Variants in AGFG2 observed in about 807,000 individuals in gnomAD.
AGFG2 encodes the protein arf-GAP domain and FG repeat-containing protein 2.
In AGFG2, 31 loss-of-function variants were observed where a neutral mutation model predicts 48.0. The ratio of observed to expected loss-of-function variants is 0.65; its 90% CI spans 0.49 to 0.87. The LOEUF (loss-of-function observed/expected upper bound fraction) is 0.87, where lower values mean the gene tolerates loss of function less well. AGFG2 is among the 40% of genes least tolerant of loss of function. The pLI, the probability that AGFG2 is intolerant of heterozygous loss-of-function variation, is 0.00. For synonymous variants in AGFG2, 229 were observed against 260.8 expected, an observed-to-expected ratio of 0.88 and a Z score of 1.18; for missense variants, 599 against 632.6, an observed-to-expected ratio of 0.95 and a Z score of 0.57.
At chr7:100,564,430 C>A in intron 11 of AGFG2, 127 bp downstream of exon 11, 1 of 995,798 alleles carries the variant, frequency 1.0e-6, no homozygotes, top group Non-Finnish European at 1.5e-6. Flanking sequence ...GTTGTCCAAG[C>A]CAGGGCTGAG....
At chr7:100,553,745 A>G (rs1800697354) in intron 4 of AGFG2, among the ~76,000 whole-genome samples, 1 of 152,254 alleles carries the variant, frequency 6.6e-6, no homozygotes, top group African/African-American at 2.4e-5. Flanking sequence ...TGAGCATTCC[A>G]TCAAAGAAAC....
At chr7:100,553,644 T>C in intron 4 of AGFG2, 144 bp downstream of exon 4, 1 of 1,008,142 alleles carries the variant, frequency 9.9e-7, no homozygotes. Context: ...ACCTGTATCT[T>C]GTATTTGTCA....
chr7:100,558,225 AAAAC>A (rs1458973909), intron 6 of AGFG2, among the ~76,000 whole-genome samples: 1 of 152,200 alleles, frequency 6.6e-6, no homozygotes, highest in Non-Finnish European at 1.5e-5. Flanking sequence ...GAAAAACAAA[AAAAC>A]AAAAGAAAAT....
At chr7:100,557,407 A>G (rs1484687890) in intron 6 of AGFG2, among the ~76,000 whole-genome samples, 1 of 152,208 alleles carries the variant, frequency 6.6e-6, no homozygotes, top group Non-Finnish European at 1.5e-5. Context: ...AAATCTCCAT[A>G]AATTCTAACA....
At chr7:100,564,080 G>A (rs1231986060) in intron 10 of AGFG2, 118 bp downstream of exon 10, 12 of 1,548,698 alleles carry the variant, frequency 7.7e-6, no homozygotes, top group East Asian at 6.8e-5. Flanking sequence ...CAGCAGGGGG[G>A]ACCAGGGAAG....
chr7:100,548,933 G>A lies in AGFG2; in HGVS notation c.315+18G>A, dbSNP rs570955124. On this transcript the variant is annotated intron_variant, in intron 2 of 11. Coordinates refer to ENST00000300176, the MANE Select transcript of AGFG2 (RefSeq NM_006076.5). ...GAAATGAGGTGAGCTGCCACCGATG[G>A]AGTGGTGAGAAGGTCACCTATCTGC... 6.2e-7 allele frequency: 1 copy of A among 1,602,450 alleles called. No homozygotes were observed. Among genetic ancestry groups the A allele is most frequent in the African/African-American group, 1.3e-5 (1 of 74,172 alleles).
intron 5 of AGFG2, among the ~76,000 whole-genome samples, chr7:100,554,642 T>A (rs1301300146): frequency 1.3e-5 from 2 of 152,158 alleles, no homozygotes; most frequent in Middle Eastern, 3.4e-3. Flanking sequence ...TTTCCCTTTT[T>A]AAAAATTTTC....
At position 100,550,462 on chromosome 7, in the gene AGFG2, C is replaced by G. The variant is rs781652659; in HGVS notation, c.382C>G (p.Pro128Ala). ...ATCTTTAGTACCAGATTCCAGGGAT[C>G]CTCAGAAAGTGAAGGAGTTTCTCCA... Reference protein sequence around the residue: ...RTSLVPDSRDPQKVKEFLQEK... With the variant: ...RTSLVPDSRDAQKVKEFLQEK... Residue 128 changes from proline to alanine, a missense_variant, in exon 3 of 12, where the codon CCT (proline) becomes GCT (alanine). By Grantham distance (27) the Pro-to-Ala change is conservative (BLOSUM62 -1). Transcript: ENST00000300176. 37 of 1,613,916 alleles carry G rather than the reference C, an allele frequency of 2.3e-5. No homozygotes were observed. The highest frequency in any genetic ancestry group is 2.9e-5 in the Non-Finnish European group (34 of 1,180,004).
Position 100,552,415 on chromosome 7 carries a change from C to T in AGFG2, c.432-932C>T, listed in dbSNP as rs73154898. On this transcript the variant is annotated intron_variant, in intron 3 of 11. Coordinates refer to ENST00000300176, the MANE Select transcript of AGFG2 (RefSeq NM_006076.5). ...TATTATATAAGAGACTTGAGTGTCC[C>T]GTCCTCTGATTATGGAATTGTCAGG... Among the ~76,000 whole-genome samples the T allele has an allele frequency of 6.5e-3, 990 of 152,242 alleles. 3 individuals are homozygous for T. The highest frequency in any genetic ancestry group is 9.7e-3 in the Non-Finnish European group (660 of 68,014).
rs1394768111 is a variant in AGFG2, at chr7:100,562,889, G to A, written c.1114G>A (p.Ala372Thr). Residue 372 changes from alanine (A) to threonine (T), a missense_variant, in exon 9 of 12, where the codon GCC becomes ACC. Coordinates refer to ENST00000300176, the MANE Select transcript of AGFG2 (RefSeq NM_006076.5). This position sits in a 1 kb window ranked among gnomAD's most constrained non-coding sequence, Gnocchi z 5.4. The part of the protein sequence containing the change: ...GAFTNPFTAP[A>T]AQSPLPSTNP... The stretch of plus-strand genomic sequence containing the variant: ...CTTCACTAACCCTTTCACAGCTCCC[G>A]CCGCCCAGTCCCCGCTGCCTTCCAC... 7.4e-6 allele frequency: 12 copies of A among 1,613,948 alleles called. No individual in the cohort carries two copies. The highest frequency in any genetic ancestry group is 1.1e-5 in the South Asian group (1 of 91,060).
At chr7:100,559,225 A>G (rs775544365) in intron 6 of AGFG2, among the ~76,000 whole-genome samples, 1 of 152,128 alleles carries the variant, frequency 6.6e-6, no homozygotes, top group Non-Finnish European at 1.5e-5. Context: ...CATTATGTCC[A>G]TGAGGAAGGA....
chr7:100,557,272 C>T (rs1800779358), intron 6 of AGFG2, among the ~76,000 whole-genome samples: 1 of 151,894 alleles, frequency 6.6e-6, no homozygotes, highest in Non-Finnish European at 1.5e-5. Flanking sequence ...GACCGCATAC[C>T]CATGAGATTC....
Position 100,560,808 on chromosome 7 carries a change from C to CTT in AGFG2, c.878-1431_878-1430dup, listed in dbSNP as rs66837050. 8.4e-3 allele frequency among the ~76,000 whole-genome samples: 951 copies of CTT among 112,794 alleles called. 39 individuals carry two copies. The highest frequency in any genetic ancestry group is 0.022 in the African/African-American group (612 of 27,530). The allele number at this position is 112,794 out of a possible 152,430, so 74.0% of individuals were successfully genotyped here. ...AGTGCCTGGCATGTGGAAGATCTCC[C>CTT]TTTTTTTTTTTTTTTTTTTTTGAGA... On this transcript the variant is annotated intron_variant, in intron 6 of 11. Coordinates refer to ENST00000300176, the MANE Select transcript of AGFG2 (RefSeq NM_006076.5).
chr7:100,551,056 ATATATATATATT>A (rs1800627123), intron 3 of AGFG2, among the ~76,000 whole-genome samples: 1 of 79,774 alleles, frequency 1.3e-5, no homozygotes, highest in East Asian at 2.6e-4. Flanking sequence ...ATATATATAT[ATATATATATATT>A]TCTTTTTTTT....
chr7:100,556,421 C>A, intron 6 of AGFG2: 1 of 338,690 alleles, frequency 3.0e-6, no homozygotes, highest in South Asian at 2.6e-5. Flanking sequence ...AAGCTCTACA[C>A]ATTGAGTCTT....
chr7:100,543,477 G>A (rs1439686018), intron 1 of AGFG2, among the ~76,000 whole-genome samples: 3 of 152,160 alleles, frequency 2.0e-5, no homozygotes, highest in African/African-American at 7.2e-5. Context: ...TTATTTTAAA[G>A]GCCAGTTTTC....
At chr7:100,564,829 C>A in intron 11 of AGFG2, 103 bp from the exon 12 acceptor site, 1 of 1,335,440 alleles carries the variant, frequency 7.5e-7, no homozygotes, top group South Asian at 1.2e-5. Context: ...TCCCACTGCC[C>A]TCAGCATAGC....
chr7:100,553,279 A>G, intron 3 of AGFG2, 68 bp from the exon 4 acceptor site: 2 of 1,577,244 alleles, frequency 1.3e-6, no homozygotes, highest in Non-Finnish European at 1.7e-6. Flanking sequence ...TGTCTTCCCA[A>G]ACATCTCAGC....
At chr7:100,564,373 A>G in intron 11 of AGFG2, 70 bp downstream of exon 11, 13 of 1,498,526 alleles carry the variant, frequency 8.7e-6, no homozygotes, top group Non-Finnish European at 1.2e-5. Flanking sequence ...CTTCCAGAAG[A>G]GGCTGATGTG....
Sources: gnomAD v4.1 joint callset for allele counts (sites outside exome capture counted in the v4.1 genomes callset) on GRCh38, gnomAD v4.1.1 for gene constraint, Gnocchi (gnomAD v3.1) non-coding constraint, MANE v1.5 for transcripts, NCBI Gene and HGNC (gene_info 2026-07-23, HGNC 2026-07-21) for gene names.